CD151: variants seen among roughly 807,000 people sequenced by gnomAD.
CD151 encodes the protein CD151 antigen.
CD151 carries 20 observed loss-of-function variants against 34.2 expected under a neutral mutation model. The observed-to-expected ratio is 0.58, with a 90% CI of 0.41 to 0.85. The LOEUF (loss-of-function observed/expected upper bound fraction) is 0.85. Among genes scored for constraint, CD151 ranks in the 40% least tolerant of loss-of-function variants. CD151 has a pLI of 0.00. For synonymous variants in CD151, 157 were observed against 131.7 expected, an observed-to-expected ratio of 1.19 and a Z score of -1.32; for missense variants, 306 against 324.5, an observed-to-expected ratio of 0.94 and a Z score of 0.44.
In CD151 at chr11:837,483, C is replaced by T. The variant is rs117252522; in HGVS notation, c.480C>T (p.Asn160=). The change falls in exon 7 of 9, where the codon AAC becomes AAT. Residue 160 remains asparagine (N), a synonymous_variant. Transcript: ENST00000397420. ...QQEFHCCGSN[N]SQDWRDSEWI... ...AGTTCCACTGCTGTGGCAGCAACAACTCACAGGACTGGCGAGACAGTGAGT... is the reference window on the plus strand; with the variant it reads ...AGTTCCACTGCTGTGGCAGCAACAATTCACAGGACTGGCGAGACAGTGAGT... 1,002 of 1,612,972 alleles carry T rather than the reference C, an allele frequency of 6.2e-4. 1 individual carries two copies. Among genetic ancestry groups the T allele is most frequent in the Non-Finnish European group, 7.8e-4 (922 of 1,179,972 alleles).
At chr11:833,079 GGCGAGGGGC>G (rs1164919795) in intron 1 of CD151, 53 bp downstream of exon 1, 20 of 150,256 alleles carry the variant, frequency 1.3e-4, no homozygotes, top group African/African-American at 4.7e-4. Context: ...GGGCGAGGGG[GGCGAGGGGC>G]GCGAGGGGGG....
chr11:835,744 G>A (rs1846735443), intron 2 of CD151: 1 of 284,994 alleles, frequency 3.5e-6, no homozygotes, highest in Non-Finnish European at 6.7e-6. Flanking sequence ...CTGGAGTGCA[G>A]TGGCACCATC....
chr11:837,331 G>C lies in CD151; in HGVS notation c.433G>C (p.Ala145Pro), dbSNP rs560834839. The C allele has an allele frequency of 1.2e-6, 2 of 1,612,854 alleles. No individual in the cohort carries two copies. Among genetic ancestry groups the C allele is most frequent in the Non-Finnish European group, 1.7e-6 (2 of 1,179,900 alleles). The change falls in exon 6 of 9, where the codon GCT becomes CCT. Residue 145 changes from alanine to proline, a missense_variant. Coordinates refer to ENST00000397420, the MANE Select transcript of CD151 (RefSeq NM_004357.5). The part of the protein sequence containing the change: ...HQPGHEAVTS[A>P]VDQLQQEFHC... ...GCCGGGCCATGAGGCTGTGACCAGC[G>C]CTGTGGACCAGCTGCAGCAGGAGGT... is the stretch of plus-strand genomic sequence containing the variant.
Position 838,039 on chromosome 11 carries a change from A to G in CD151, c.702+11A>G, listed in dbSNP as rs372451969. The G allele has an allele frequency of 6.2e-6, 10 of 1,612,400 alleles. No individual in the cohort carries two copies. The highest frequency in any genetic ancestry group is 2.2e-5 in the East Asian group (1 of 44,884). On this transcript the variant is annotated intron_variant, in intron 8 of 8. Coordinates refer to ENST00000397420, the MANE Select transcript of CD151 (RefSeq NM_004357.5). The stretch of plus-strand genomic sequence containing the variant: ...ATTGCCTGTGTGCAGGTGAGGGCAC[A>G]TGGGGGTGGCGGTCATCTTGTTGGG...
Position 838,310 on chromosome 11 carries a change from C to T in CD151, c.*118C>T. 4.8e-6 allele frequency: 4 copies of T among 830,976 alleles called. No individual in the cohort carries two copies. Among genetic ancestry groups the T allele is most frequent in the Non-Finnish European group, 8.0e-6 (4 of 500,000 alleles). The allele number at this position is 830,976 out of a possible 1,614,324, so 51.5% of individuals were successfully genotyped here. On this transcript the variant is annotated 3_prime_UTR_variant, in exon 9 of 9. Coordinates refer to ENST00000397420, the MANE Select transcript of CD151 (RefSeq NM_004357.5). ...GCCATCACCATAACCTCTGGGGACC[C>T]CAACCTCAGAGGCAGCTTCAAGTGC... is the stretch of plus-strand genomic sequence containing the variant.
At chr11:836,883 C>G in intron 5 of CD151, 40 bp downstream of exon 5, 2 of 1,574,024 alleles carry the variant, frequency 1.3e-6, no homozygotes, top group Non-Finnish European at 1.7e-6. Flanking sequence ...CACAGACATG[C>G]ACAGGCGGGG....
At position 837,285 on chromosome 11, in the gene CD151, C is replaced by T; in HGVS notation, c.387C>T (p.Thr129=). 2 of 1,613,072 alleles carry T rather than the reference C, an allele frequency of 1.2e-6. No homozygotes were observed. Reference sequence around the variant, plus strand: ...AGCTCAAGGAGAACCTGAAGGACACCATGACCAAGCGCTACCACCAGCCGG... The same window carrying T: ...AGCTCAAGGAGAACCTGAAGGACACTATGACCAAGCGCTACCACCAGCCGG... ...NTELKENLKD[T]MTKRYHQPGH... Residue 129 remains threonine (T), a synonymous_variant, in exon 6 of 9, where the codon ACC becomes ACT. Transcript: ENST00000397420.
In CD151 at chr11:838,372, G is replaced by T. The variant is rs1011336396; in HGVS notation, c.*180G>T. On this transcript the variant is annotated 3_prime_UTR_variant, in exon 9 of 9. Coordinates refer to ENST00000397420, the MANE Select transcript of CD151 (RefSeq NM_004357.5). ...CACCAATGCCCAGCAGGGGAGGTGA[G>T]GGGGGCTGGCGGGGCGAAGTTTGGG... 5 of 602,806 alleles carry T rather than the reference G, an allele frequency of 8.3e-6. No individual in the cohort carries two copies. The highest frequency in any genetic ancestry group is 1.5e-5 in the Non-Finnish European group (5 of 338,828). 37.3% of individuals were successfully genotyped at this position (602,806 alleles called of 1,614,324 possible).
Position 838,123 on chromosome 11 carries a change from C to G in CD151, c.703-10C>G, listed in dbSNP as rs1240704532. 1 of 1,613,040 alleles carries G rather than the reference C, an allele frequency of 6.2e-7. No individual in the cohort carries two copies. Among genetic ancestry groups the G allele is most frequent in the Non-Finnish European group, 8.5e-7 (1 of 1,179,678 alleles). On this transcript the variant is annotated splice_polypyrimidine_tract_variant and intron_variant, in intron 8 of 8. Transcript: ENST00000397420. ...GACGTCTGCTTACGCCCACCCGGCT[C>G]TGCACACAGGTCTTTGGCATGATCT...
chr11:837,208 G>C, intron 5 of CD151, 42 bp from the exon 6 acceptor site: 2 of 1,525,892 alleles, frequency 1.3e-6, no homozygotes, highest in Non-Finnish European at 9.1e-7. Flanking sequence ...CACCTTGGAA[G>C]GTCTTAGACT....
At chr11:837,865 C>CCTGGAGG (rs1287971407) in intron 7 of CD151, 77 bp from the exon 8 acceptor site, 3 of 1,216,628 alleles carry the variant, frequency 2.5e-6, no homozygotes, top group Non-Finnish European at 3.5e-6. Context: ...TTGGCCACAC[C>CCTGGAGG]CTGGAGGCTG....
chr11:836,694 G>C lies in CD151; in HGVS notation c.277-75G>C, dbSNP rs565254857. The C allele has an allele frequency of 2.6e-5, 38 of 1,436,480 alleles. No individual in the cohort carries two copies. In the East Asian group the frequency reaches 6.9e-4, roughly 26 times the overall value. The allele number at this position is 1,436,480 out of a possible 1,614,324, so 89.0% of individuals were successfully genotyped here. ...CCTGGAGCCTGGGGAGCCGGGGTGG[G>C]GACTCTGCTCTGAGGTGCACTAGGT... On this transcript the variant is annotated intron_variant, in intron 4 of 8. Coordinates refer to ENST00000397420, the MANE Select transcript of CD151 (RefSeq NM_004357.5).
At chr11:833,219 C>T (rs71454071) in intron 1 of CD151, among the ~76,000 whole-genome samples, 193 bp downstream of exon 1, 20 of 19,142 alleles carry the variant, frequency 1.0e-3, no homozygotes, top group Non-Finnish European at 2.4e-3. Context: ...CCTGCCCCAG[C>T]TCCCTCGCCT....
At chr11:836,517 C>T (rs1466585862) in intron 4 of CD151, 75 bp downstream of exon 4, 8 of 1,171,848 alleles carry the variant, frequency 6.8e-6, no homozygotes, top group Non-Finnish European at 8.4e-6. Context: ...AGGCTTTGAA[C>T]CTGTGCCTTG....
At position 836,159 on chromosome 11, in the gene CD151, G is replaced by A. The variant is rs770467521; in HGVS notation, c.84+6G>A. 4 of 1,611,162 alleles carry A rather than the reference G, an allele frequency of 2.5e-6. No individual in the cohort carries two copies. The highest frequency in any genetic ancestry group is 1.1e-5 in the South Asian group (1 of 90,986). On this transcript the variant is annotated splice_donor_region_variant and intron_variant, in intron 3 of 8. Transcript: ENST00000397420. ...CCTACAATTGCTGCTTCTGGGTGAGGAGGGGTCGCCTTGCCCCCACCCCCA... is the reference window on the plus strand; with the variant it reads ...CCTACAATTGCTGCTTCTGGGTGAGAAGGGGTCGCCTTGCCCCCACCCCCA...
rs1846856151 is a variant in CD151, at chr11:838,195, C to T, written c.*3C>T. ...GTCTCAAGCTGGAGCACTACTGACC[C>T]TGCCTTGGGCCTTGCTGCTGCTGCA... On this transcript the variant is annotated 3_prime_UTR_variant, in exon 9 of 9. Coordinates refer to ENST00000397420, the MANE Select transcript of CD151 (RefSeq NM_004357.5). 2 of 1,611,898 alleles carry T rather than the reference C, an allele frequency of 1.2e-6. No individual in the cohort carries two copies. The highest frequency in any genetic ancestry group is 1.1e-5 in the South Asian group (1 of 91,074).
intron 2 of CD151, 134 bp from the exon 3 acceptor site, chr11:835,929 T>C (rs952222208): frequency 1.5e-6 from 1 of 655,006 alleles, no homozygotes; most frequent in Non-Finnish European, 2.8e-6. Context: ...CCTTGTGATC[T>C]GCCTGCCTTG....
chr11:836,753 G>C lies in CD151; in HGVS notation c.277-16G>C, dbSNP rs1344448844. 1.2e-6 allele frequency: 2 copies of C among 1,612,234 alleles called. No homozygotes were observed. The highest frequency in any genetic ancestry group is 1.7e-6 in the Non-Finnish European group (2 of 1,179,624). On this transcript the variant is annotated splice_polypyrimidine_tract_variant and intron_variant, in intron 4 of 8. Coordinates refer to ENST00000397420, the MANE Select transcript of CD151 (RefSeq NM_004357.5). ...TAGGCCTCAGAACAAGGGTGCCCTT[G>C]TGCTGCCCCCCCCAGTACTTCATCC...
At chr11:837,090 G>A in intron 5 of CD151, 160 bp from the exon 6 acceptor site, 1 of 680,340 alleles carries the variant, frequency 1.5e-6, no homozygotes, top group East Asian at 2.7e-5. Flanking sequence ...TGACGGTCCT[G>A]GCACCACCCA....
Sources: gnomAD v4.1 joint callset for allele counts (sites outside exome capture counted in the v4.1 genomes callset) on GRCh38, gnomAD v4.1.1 for gene constraint, MANE v1.5 for transcripts, NCBI Gene and HGNC (gene_info 2026-07-23, HGNC 2026-07-21) for gene names.